SLC31A2: variants seen among roughly 807,000 people sequenced by gnomAD.
SLC31A2 encodes the protein solute carrier family 31 member 2.
SLC31A2 carries 16 observed loss-of-function variants against 14.4 expected under a neutral mutation model. The observed-to-expected ratio is 1.11, with a 90% CI of 0.75 to 1.69. The LOEUF is 1.69. SLC31A2 is among the 40% of genes most tolerant of loss of function. SLC31A2 has a pLI of 0.00. For missense variants in SLC31A2, 140 were observed against 173.9 expected (o/e 0.81, Z 1.10); for synonymous variants, 56 against 68.7 (o/e 0.82, Z 0.91).
In SLC31A2 at chr9:113,162,395, T is replaced by A. The variant is rs1053848379; in HGVS notation, c.264-354T>A. 27 of 216,796 alleles carry A rather than the reference T, an allele frequency of 1.2e-4. No homozygotes were observed. In the South Asian group the frequency reaches 2.0e-3, roughly 16 times the overall value. The allele number at this position is 216,796 out of a possible 1,614,324, so 13.4% of individuals were successfully genotyped here. ...CCTAAGACCATGCTTTTTCTTTCCA[T>A]TGTCATACTGCCTCCCGAAGTAGAT... On this transcript the variant is annotated intron_variant, in intron 3 of 3. Coordinates refer to ENST00000259392, the MANE Select transcript of SLC31A2 (RefSeq NM_001860.3).
At chr9:113,152,895 GATTA>G (rs1251136826) in intron 1 of SLC31A2, among the ~76,000 whole-genome samples, 2 of 152,330 alleles carry the variant, frequency 1.3e-5, no homozygotes, top group South Asian at 2.1e-4. Flanking sequence ...CTCCCTGACT[GATTA>G]ATTAGCCACT....
At chr9:113,156,451 G>T (rs1406046176) in intron 1 of SLC31A2, among the ~76,000 whole-genome samples, 2 of 152,162 alleles carry the variant, frequency 1.3e-5, no homozygotes, top group Admixed American at 6.5e-5. Context: ...TTAGAAGAAA[G>T]ATTTTAATTG....
chr9:113,163,033 C>T lies in SLC31A2; in HGVS notation c.*116C>T, dbSNP rs1830042392. On this transcript the variant is annotated 3_prime_UTR_variant, in exon 4 of 4. Transcript: ENST00000259392. ...CTATTCCTCCACCTTATTCCCAGCC[C>T]CTGGAAACTTTGAGCTGAAGCCAGC... The T allele has an allele frequency of 5.6e-6, 6 of 1,062,888 alleles. No individual in the cohort carries two copies. Among genetic ancestry groups the T allele is most frequent in the Non-Finnish European group, 7.7e-6 (6 of 777,336 alleles). 65.8% of individuals were successfully genotyped at this position (1,062,888 alleles called of 1,614,324 possible).
Position 113,158,104 on chromosome 9 carries a change from C to T in SLC31A2, c.73+311C>T, listed in dbSNP as rs1344169428. The T allele has an allele frequency of 5.0e-5, 25 of 500,750 alleles. 1 individual carries two copies. The highest frequency in any genetic ancestry group is 1.4e-4 in the Admixed American group (6 of 43,322). 31.0% of individuals were successfully genotyped at this position (500,750 alleles called of 1,614,324 possible). On this transcript the variant is annotated intron_variant, in intron 2 of 3. Transcript: ENST00000259392. ...CTCGTGCAGGGTCACACAGTAAGTA[C>T]GCATCAGAGCCACTACTAGATCAAG...
chr9:113,162,962 C>T lies in SLC31A2; in HGVS notation c.*45C>T. On this transcript the variant is annotated 3_prime_UTR_variant, in exon 4 of 4. Transcript: ENST00000259392. Reference sequence around the variant, plus strand: ...CACTGAGGCTGGAGGGACATGGAGCCCCCTCTTCCAGACACTATACTTCCA... The same window carrying T: ...CACTGAGGCTGGAGGGACATGGAGCTCCCTCTTCCAGACACTATACTTCCA... The T allele has an allele frequency of 1.3e-6, 2 of 1,516,130 alleles. No homozygotes were observed. The highest frequency in any genetic ancestry group is 1.8e-6 in the Non-Finnish European group (2 of 1,124,956). The allele number at this position is 1,516,130 out of a possible 1,614,324, so 93.9% of individuals were successfully genotyped here.
rs1437673206 is a variant in SLC31A2, at chr9:113,151,942, TCAAA to T, written c.6+871_6+874del. The T allele has an allele frequency of 7.9e-6, 1 of 126,268 alleles. No homozygotes were observed. Among genetic ancestry groups the T allele is most frequent in the Non-Finnish European group, 1.7e-5 (1 of 57,542 alleles). The allele number at this position is 126,268 out of a possible 1,614,324, so 7.8% of individuals were successfully genotyped here. ...GCCTGGGCAACAGAACAAGACGTCCTCAAACAAACAAAACAAAAAAAAAAAGATA... is the reference window on the plus strand; with the variant it reads ...GCCTGGGCAACAGAACAAGACGTCCTCAAACAAAACAAAAAAAAAAAGATA... On this transcript the variant is annotated intron_variant, in intron 1 of 3. Coordinates refer to ENST00000259392, the MANE Select transcript of SLC31A2 (RefSeq NM_001860.3). This position sits in a 1 kb window ranked among gnomAD's most constrained non-coding sequence, Gnocchi z 4.2.
At chr9:113,160,086 A>G (rs1829988663) in intron 2 of SLC31A2, among the ~76,000 whole-genome samples, 1 of 152,146 alleles carries the variant, frequency 6.6e-6, no homozygotes, top group African/African-American at 2.4e-5. Context: ...CTGAGGCAAG[A>G]TAATTGCTTG....
intron 2 of SLC31A2, chr9:113,161,110 C>G (rs1830005132): frequency 1.2e-5 from 2 of 163,810 alleles, no homozygotes; most frequent in African/African-American, 4.8e-5. Flanking sequence ...CACCTGTATC[C>G]TACTTTGCTG....
At chr9:113,156,569 G>A (rs1306326612) in intron 1 of SLC31A2, among the ~76,000 whole-genome samples, 1 of 152,240 alleles carries the variant, frequency 6.6e-6, no homozygotes, top group Non-Finnish European at 1.5e-5. Flanking sequence ...TGTCTTAGAA[G>A]GCAAAGGCTT....
Position 113,157,723 on chromosome 9 carries a change from T to C in SLC31A2, c.7-4T>C. 1 of 1,610,800 alleles carries C rather than the reference T, an allele frequency of 6.2e-7. No individual in the cohort carries two copies. The highest frequency in any genetic ancestry group is 8.5e-7 in the Non-Finnish European group (1 of 1,178,124). ...CCTATGATGCAGATTCCTTTCTCTT[T>C]CAGATGCATTTCATCTTCTCAGATA... is the stretch of plus-strand genomic sequence containing the variant. On this transcript the variant is annotated splice_region_variant and splice_polypyrimidine_tract_variant and intron_variant, in intron 1 of 3. Transcript: ENST00000259392.
At chr9:113,155,853 C>T (rs1446139628) in intron 1 of SLC31A2, 1 of 314,336 alleles carries the variant, frequency 3.2e-6, no homozygotes, top group Non-Finnish European at 6.5e-6. Flanking sequence ...AGTTTTCCCC[C>T]AGCTCCCCTC....
intron 1 of SLC31A2, among the ~76,000 whole-genome samples, chr9:113,154,786 T>G (rs898128040): frequency 2.6e-5 from 4 of 152,206 alleles, no homozygotes; most frequent in African/African-American, 9.6e-5. Flanking sequence ...CCTCTTTGCC[T>G]TTTCATCCTG....
intron 1 of SLC31A2, among the ~76,000 whole-genome samples, chr9:113,154,015 A>G (rs1235746831): frequency 4.6e-5 from 7 of 152,170 alleles, no homozygotes; most frequent in African/African-American, 1.7e-4. Flanking sequence ...TCTATTACTC[A>G]GGCTGGAGTG....
rs147385974 is a variant in SLC31A2, at chr9:113,162,966, T to C, written c.*49T>C. 397 of 1,487,244 alleles carry C rather than the reference T, an allele frequency of 2.7e-4. 2 individuals are homozygous for C. In the African/African-American group the frequency reaches 5.0e-3, roughly 19 times the overall value. The allele number at this position is 1,487,244 out of a possible 1,614,324, so 92.1% of individuals were successfully genotyped here. A position where few individuals can be genotyped will look rare whatever the true frequency, so the allele number is the denominator to read the frequency against. ...GAGGCTGGAGGGACATGGAGCCCCC[T>C]CTTCCAGACACTATACTTCCAACTG... is the stretch of plus-strand genomic sequence containing the variant. On this transcript the variant is annotated 3_prime_UTR_variant, in exon 4 of 4. Transcript: ENST00000259392.
chr9:113,152,872 C>T (rs1273196200), intron 1 of SLC31A2, among the ~76,000 whole-genome samples: 2 of 152,178 alleles, frequency 1.3e-5, no homozygotes, highest in Non-Finnish European at 2.9e-5. Context: ...TAGAAGGAAA[C>T]CAGTTATGGC....
intron 1 of SLC31A2, among the ~76,000 whole-genome samples, chr9:113,156,400 C>G (rs72756162): frequency 0.047 from 7,091 of 152,276 alleles, 225 homozygotes; most frequent in South Asian, 0.15. Flanking sequence ...TCATATTTCT[C>G]TCCCCTCTCC....
At chr9:113,152,921 A>G (rs1829886514) in intron 1 of SLC31A2, among the ~76,000 whole-genome samples, 1 of 152,186 alleles carries the variant, frequency 6.6e-6, no homozygotes. Context: ...GGGACATTCC[A>G]TTCATACCAT....
At chr9:113,155,485 G>A (rs983070154) in intron 1 of SLC31A2, among the ~76,000 whole-genome samples, 2 of 152,192 alleles carry the variant, frequency 1.3e-5, no homozygotes, top group African/African-American at 2.4e-5. Context: ...AGAATAATCA[G>A]TGTCATTTCC....
intron 1 of SLC31A2, among the ~76,000 whole-genome samples, chr9:113,156,359 C>A (rs1403003463): frequency 6.6e-6 from 1 of 152,172 alleles, no homozygotes; most frequent in Non-Finnish European, 1.5e-5. Context: ...TGGGCCAGAT[C>A]AGCATTTTTC....
Sources: gnomAD v4.1 joint callset for allele counts (sites outside exome capture counted in the v4.1 genomes callset) on GRCh38, gnomAD v4.1.1 for gene constraint, Gnocchi (gnomAD v3.1) non-coding constraint, MANE v1.5 for transcripts, NCBI Gene and HGNC (gene_info 2026-07-23, HGNC 2026-07-21) for gene names.